APBA1: variants seen among roughly 807,000 people sequenced by gnomAD.
The protein encoded by APBA1 is amyloid-beta A4 precursor protein-binding family A member 1.
In APBA1, 55 loss-of-function variants were observed where a neutral mutation model predicts 86.6. That is an observed-to-expected ratio of 0.64 (90% confidence interval 0.51 to 0.80). APBA1 has a LOEUF of 0.80. Among genes scored for constraint, APBA1 ranks in the 30% least tolerant of loss-of-function variants. The pLI is 0.00. For missense variants in APBA1, 1,090 were observed against 1,183.0 expected, an observed-to-expected ratio of 0.92 and a Z score of 1.15; for synonymous variants, 511 against 493.9, an observed-to-expected ratio of 1.03 and a Z score of -0.46.
intron 8 of APBA1, 82 bp downstream of exon 8, chr9:69,456,165 T>C (rs1341804869): frequency 2.9e-6 from 4 of 1,398,102 alleles, no homozygotes; most frequent in Non-Finnish European, 4.1e-6. Flanking sequence ...ACATGCATCA[T>C]GTGTGATGAA....
At chr9:69,670,704 A>T (rs1823932089) in intron 1 of APBA1, among the ~76,000 whole-genome samples, 1 of 152,114 alleles carries the variant, frequency 6.6e-6, no homozygotes, top group African/African-American at 2.4e-5. Flanking sequence ...TAGACTCTGG[A>T]TGCATTTCTG....
At chr9:69,522,292 C>A (rs1015701701) in intron 1 of APBA1, among the ~76,000 whole-genome samples, 1 of 151,966 alleles carries the variant, frequency 6.6e-6, no homozygotes, top group Non-Finnish European at 1.5e-5. Flanking sequence ...AAGGAAAAAT[C>A]TTTATCCCCC....
intron 1 of APBA1, among the ~76,000 whole-genome samples, chr9:69,650,461 CTTGTT>C (rs1225896270): frequency 6.6e-6 from 1 of 152,180 alleles, no homozygotes; most frequent in African/African-American, 2.4e-5. Context: ...CGTGTACTGT[CTTGTT>C]TTGTTATACA....
intron 11 of APBA1, among the ~76,000 whole-genome samples, chr9:69,439,444 T>C (rs1013752664): frequency 6.6e-6 from 1 of 152,174 alleles, no homozygotes; most frequent in Non-Finnish European, 1.5e-5. Flanking sequence ...TCTTTTCACA[T>C]AGTCCCATAT....
intron 2 of APBA1, among the ~76,000 whole-genome samples, chr9:69,496,834 A>G (rs561245705): frequency 1.1e-3 from 170 of 152,190 alleles, no homozygotes; most frequent in African/African-American, 3.9e-3. Context: ...CCCATGGTGC[A>G]GCCATTTCCC....
chr9:69,637,636 C>T (rs1191288527), intron 1 of APBA1, among the ~76,000 whole-genome samples: 1 of 152,198 alleles, frequency 6.6e-6, no homozygotes, highest in Non-Finnish European at 1.5e-5. Flanking sequence ...CAGACACAGG[C>T]TGAGAAGCAG....
intron 7 of APBA1, 92 bp from the exon 8 acceptor site, chr9:69,456,524 C>T (rs1055575156): frequency 6.0e-5 from 81 of 1,355,014 alleles, no homozygotes; most frequent in Non-Finnish European, 6.9e-5. Context: ...AAGTATGGTT[C>T]GCATGCAGGG....
chr9:69,671,907 C>T (rs1450279364), intron 1 of APBA1, among the ~76,000 whole-genome samples: 2 of 152,216 alleles, frequency 1.3e-5, no homozygotes, highest in Non-Finnish European at 2.9e-5. Context: ...GCGCCCGAAG[C>T]CCGGCATCTC....
chr9:69,451,220 G>C (rs1835003370), intron 9 of APBA1, among the ~76,000 whole-genome samples: 1 of 152,086 alleles, frequency 6.6e-6, no homozygotes, highest in Non-Finnish European at 1.5e-5. Context: ...CATGTCCAAG[G>C]GACCACACCC....
chr9:69,506,082 C>T (rs1269154192), intron 2 of APBA1, among the ~76,000 whole-genome samples: 9 of 151,436 alleles, frequency 5.9e-5, no homozygotes, highest in Non-Finnish European at 2.9e-5. Context: ...CGAATAGGAA[C>T]AGCTCCGGTC....
In APBA1 at chr9:69,516,663, T is replaced by C. The variant is rs1010475504; in HGVS notation, c.548A>G (p.Tyr183Cys). 11 of 1,609,522 alleles carry C rather than the reference T, an allele frequency of 6.8e-6. No individual in the cohort carries two copies. Among genetic ancestry groups the C allele is most frequent in the Non-Finnish European group, 9.3e-6 (11 of 1,179,004 alleles). The part of the protein sequence containing the change: ...RLFHRGEDEP[Y>C]SEPYADYGGL... ...GCCGTAGTCGGCATAGGGCTCGGAG[T>C]AGGGCTCGTCCTCACCGCGGTGGAA... The change falls in exon 2 of 13, where the codon TAC (tyrosine) becomes TGC (cysteine). Residue 183 changes from tyrosine to cysteine, a missense_variant. Coordinates refer to ENST00000265381, the MANE Select transcript of APBA1 (RefSeq NM_001163.4). This position sits in a 1 kb window ranked among gnomAD's most constrained non-coding sequence, Gnocchi z 7.3.
In APBA1 at chr9:69,606,479, C is replaced by CTTTTTTT. The variant is rs35083481; in HGVS notation, c.-70+65667_-70+65673dup. On this transcript the variant is annotated intron_variant, in intron 1 of 12. Coordinates refer to ENST00000265381, the MANE Select transcript of APBA1 (RefSeq NM_001163.4). Reference sequence around the variant, plus strand: ...TTGACACAGTGAGTGAGGGAGCTAGCTTTTTTTTTTTTTTTTTTTTTTTTT... The same window carrying CTTTTTTT: ...TTGACACAGTGAGTGAGGGAGCTAGCTTTTTTTTTTTTTTTTTTTTTTTTTTTTTTTT... Among the ~76,000 whole-genome samples the CTTTTTTT allele has an allele frequency of 3.1e-4, 16 of 50,896 alleles. 2 individuals carry two copies. Among genetic ancestry groups the CTTTTTTT allele is most frequent in the Admixed American group, 7.0e-4 (2 of 2,862 alleles). The allele number at this position is 50,896 out of a possible 152,430, so 33.4% of individuals were successfully genotyped here.
intron 1 of APBA1, among the ~76,000 whole-genome samples, chr9:69,658,326 CTT>C (rs1564105115): frequency 7.6e-6 from 1 of 132,274 alleles, no homozygotes; most frequent in Non-Finnish European, 1.6e-5. Context: ...TTCTTTCTTT[CTT>C]TCTTTCTTTC....
At chr9:69,604,355 G>A (rs7025041) in intron 1 of APBA1, among the ~76,000 whole-genome samples, 2 of 131,844 alleles carry the variant, frequency 1.5e-5, no homozygotes, top group Admixed American at 7.6e-5. Flanking sequence ...TAAGTGGAGA[G>A]GCACATGAGT....
At chr9:69,598,955 G>C (rs759930299) in intron 1 of APBA1, among the ~76,000 whole-genome samples, 32 of 152,114 alleles carry the variant, frequency 2.1e-4, no homozygotes, top group Non-Finnish European at 3.8e-4. Flanking sequence ...TCAAAAATTA[G>C]TCTAAGCCAG....
At chr9:69,456,117 TG>T in intron 8 of APBA1, 129 bp downstream of exon 8, 1 of 1,057,604 alleles carries the variant, frequency 9.5e-7, no homozygotes, top group Non-Finnish European at 1.4e-6. Context: ...TCTCTAGTGC[TG>T]GAACAGTGCC....
intron 1 of APBA1, among the ~76,000 whole-genome samples, chr9:69,584,780 G>T (rs1180163946): frequency 6.6e-6 from 1 of 152,020 alleles, no homozygotes; most frequent in Non-Finnish European, 1.5e-5. Flanking sequence ...AAATGAGAAG[G>T]GTCAAAGTTT....
At chr9:69,583,983 T>C (rs7861901) in intron 1 of APBA1, among the ~76,000 whole-genome samples, 31,681 of 152,180 alleles carry the variant, frequency 0.21, 3,510 homozygotes, top group South Asian at 0.33. Context: ...GCAGAATAAA[T>C]GCCAGCCGTT....
At chr9:69,548,988 G>A (rs1836741899) in intron 1 of APBA1, among the ~76,000 whole-genome samples, 1 of 152,220 alleles carries the variant, frequency 6.6e-6, no homozygotes, top group South Asian at 2.1e-4. Context: ...ACCTCTTAGA[G>A]TAAGAGCAAA....
Sources: gnomAD v4.1 joint callset for allele counts (sites outside exome capture counted in the v4.1 genomes callset) on GRCh38, gnomAD v4.1.1 for gene constraint, Gnocchi (gnomAD v3.1) non-coding constraint, MANE v1.5 for transcripts, NCBI Gene and HGNC (gene_info 2026-07-23, HGNC 2026-07-21) for gene names.